The following SLC44A5 variants were observed in gnomAD, a reference collection of about 807,000 sequenced individuals.
The protein encoded by SLC44A5 is choline transporter-like protein 5.
A neutral mutation model predicts 101.8 loss-of-function variants in SLC44A5; 57 were observed. The ratio of observed to expected loss-of-function variants is 0.56; its 90% confidence interval spans 0.45 to 0.70. The LOEUF (loss-of-function observed/expected upper bound fraction) is 0.70. Ranked by LOEUF, SLC44A5 falls within the 30% of genes least tolerant of loss-of-function variation. The probability of loss-of-function intolerance (pLI) is 0.00; values close to 1 mark genes in which losing one functional copy is unlikely to be tolerated. For synonymous variants in SLC44A5, 281 were observed against 290.9 expected (o/e 0.97, Z 0.35); for missense variants, 737 against 853.1 (o/e 0.86, Z 1.70).
chr1:75,386,346 G>A (rs1023929289), intron 3 of SLC44A5, among the ~76,000 whole-genome samples: 107 of 152,248 alleles, frequency 7.0e-4, no homozygotes, highest in Admixed American at 1.3e-3. Context: ...AAGCTGATAA[G>A]CAACTTCAGC....
chr1:75,586,357 C>T (rs375441457), intron 1 of SLC44A5, among the ~76,000 whole-genome samples: 10 of 97,846 alleles, frequency 1.0e-4, no homozygotes, highest in African/African-American at 2.9e-4. Context: ...AAATCTCTTT[C>T]TGTATGTATA....
At chr1:75,558,294 A>T (rs1672330131) in intron 1 of SLC44A5, among the ~76,000 whole-genome samples, 1 of 152,190 alleles carries the variant, frequency 6.6e-6, no homozygotes, top group Non-Finnish European at 1.5e-5. Flanking sequence ...AATGTAAAAC[A>T]AATTTTCAAG....
the SLC44A5 span, among the ~76,000 whole-genome samples, chr1:75,624,279 A>G: frequency 6.6e-6 from 1 of 152,194 alleles, no homozygotes; most frequent in Non-Finnish European, 1.5e-5. Context: ...TTTTAGAAGA[A>G]TATGAGCTAA....
the SLC44A5 span, among the ~76,000 whole-genome samples, chr1:75,628,925 GA>G: frequency 6.6e-6 from 1 of 152,086 alleles, no homozygotes; most frequent in Non-Finnish European, 1.5e-5. Context: ...TGCAAGGGGG[GA>G]AAAGTCCCAT....
intron 2 of SLC44A5, among the ~76,000 whole-genome samples, chr1:75,434,720 A>C (rs1464212201): frequency 6.6e-6 from 1 of 151,916 alleles, no homozygotes; most frequent in Non-Finnish European, 1.5e-5. Context: ...GCCACTATTT[A>C]GTCTTTCCAC....
intron 2 of SLC44A5, among the ~76,000 whole-genome samples, chr1:75,537,033 A>T (rs28424226): frequency 0.09 from 3,856 of 42,962 alleles, 579 homozygotes; most frequent in African/African-American, 0.16. Context: ...AAAAAAAAAA[A>T]ATATATATCT....
chr1:75,397,333 C>T (rs527908828), intron 2 of SLC44A5, among the ~76,000 whole-genome samples: 1 of 152,238 alleles, frequency 6.6e-6, no homozygotes. Flanking sequence ...TTCTCTGGTG[C>T]TTTATCAGAC....
intron 3 of SLC44A5, among the ~76,000 whole-genome samples, chr1:75,344,905 A>G (rs751242632): frequency 3.3e-5 from 5 of 152,118 alleles, no homozygotes; most frequent in Non-Finnish European, 4.4e-5. Context: ...CTGGATTACT[A>G]CATAGTTTCT....
At chr1:75,539,371 T>C (rs1304333400) in intron 2 of SLC44A5, among the ~76,000 whole-genome samples, 1 of 151,242 alleles carries the variant, frequency 6.6e-6, no homozygotes, top group Non-Finnish European at 1.5e-5. Context: ...TTTAATAATA[T>C]CTAGCACAGC....
chr1:75,537,033 A>AAAAAAATATATATATATATAT (rs35829590), intron 2 of SLC44A5, among the ~76,000 whole-genome samples: 3 of 43,026 alleles, frequency 7.0e-5, no homozygotes, highest in Non-Finnish European at 1.2e-4. Flanking sequence ...AAAAAAAAAA[A>AAAAAAATATATATATATATAT]ATATATATCT....
At chr1:75,696,652 T>C in the SLC44A5 span, among the ~76,000 whole-genome samples, 1 of 151,952 alleles carries the variant, frequency 6.6e-6, no homozygotes, top group Admixed American at 6.6e-5. Flanking sequence ...TCCCAGCACT[T>C]TGGGAGGCCG....
chr1:75,619,968 C>T, the SLC44A5 span, among the ~76,000 whole-genome samples: 3 of 152,046 alleles, frequency 2.0e-5, no homozygotes, highest in Non-Finnish European at 4.4e-5. Flanking sequence ...TTATCGTAAT[C>T]CTATCCCTCC....
At chr1:75,619,470 G>A in the SLC44A5 span, among the ~76,000 whole-genome samples, 7 of 152,106 alleles carry the variant, frequency 4.6e-5, no homozygotes, top group East Asian at 3.9e-4. Context: ...TGAAAACGTC[G>A]GGGCTGTAAG....
chr1:75,665,380 C>A, the SLC44A5 span, among the ~76,000 whole-genome samples: 1 of 152,096 alleles, frequency 6.6e-6, no homozygotes, highest in African/African-American at 2.4e-5. Context: ...ATAAATGATG[C>A]TACGTTAACT....
intron 3 of SLC44A5, among the ~76,000 whole-genome samples, chr1:75,383,573 C>T (rs1186691839): frequency 2.0e-5 from 3 of 152,090 alleles, no homozygotes; most frequent in African/African-American, 7.2e-5. Flanking sequence ...ACCAAATCTA[C>T]GTCTGATTGG....
At chr1:75,330,527 A>G (rs1656970949) in intron 4 of SLC44A5, among the ~76,000 whole-genome samples, 1 of 151,928 alleles carries the variant, frequency 6.6e-6, no homozygotes, top group African/African-American at 2.4e-5. Flanking sequence ...AGACTCTCCA[A>G]TTGTGTTCTG....
chr1:75,682,888 T>G, the SLC44A5 span, among the ~76,000 whole-genome samples: 2 of 151,900 alleles, frequency 1.3e-5, no homozygotes, highest in Non-Finnish European at 2.9e-5. Flanking sequence ...GAATCTACAA[T>G]GAACTCAAAC....
Position 75,218,609 on chromosome 1 carries a change from G to A in SLC44A5, c.1410C>T (p.Phe470=), listed in dbSNP as rs767446036. 4.3e-6 allele frequency: 7 copies of A among 1,613,812 alleles called. No individual in the cohort carries two copies. Among genetic ancestry groups the A allele is most frequent in the African/African-American group, 1.3e-5 (1 of 75,018 alleles). ...GGGCGCACTGACCTAATGCAATGAC[G>A]AAGTTTATAAGCCAGAGAAAGACAA... ...NLFVFLWLIN[F]VIALGQCALA... is the part of the protein sequence containing the mutation. Residue 470 remains phenylalanine, a synonymous_variant, in exon 17 of 24, where the codon TTC becomes TTT. Coordinates refer to ENST00000370859, the MANE Select transcript of SLC44A5 (RefSeq NM_001130058.2).
intron 6 of SLC44A5, among the ~76,000 whole-genome samples, chr1:75,262,663 C>G (rs149115366): frequency 4.6e-5 from 7 of 152,070 alleles, no homozygotes; most frequent in Non-Finnish European, 7.4e-5. Flanking sequence ...AAAAAGAGCC[C>G]GCATTGCCAA....
Sources: gnomAD v4.1 joint callset for allele counts (sites outside exome capture counted in the v4.1 genomes callset) on GRCh38, gnomAD v4.1.1 for gene constraint, MANE v1.5 for transcripts, NCBI Gene and HGNC (gene_info 2026-07-23, HGNC 2026-07-21) for gene names.